Variants in TIAM2 observed in about 807,000 individuals in gnomAD.
TIAM2 encodes TIAM Rac1 associated GEF 2, also known as rho guanine nucleotide exchange factor TIAM2.
A neutral mutation model predicts 152.9 loss-of-function variants in TIAM2; 80 were observed. The ratio of observed to expected loss-of-function variants is 0.52; its 90% CI spans 0.44 to 0.63. The LOEUF is 0.63. TIAM2 is among the 30% of genes least tolerant of loss of function. TIAM2 has a pLI of 0.00. For synonymous variants in TIAM2, 804 were observed against 838.0 expected (o/e 0.96, Z 0.70); for missense variants, 1,965 against 2,120.1 (o/e 0.93, Z 1.44).
chr6:155,093,540 C>T (rs1328815550), intron 2 of TIAM2, among the ~76,000 whole-genome samples: 1 of 152,190 alleles, frequency 6.6e-6, no homozygotes, highest in Non-Finnish European at 1.5e-5. Context: ...CTGATCTGCC[C>T]CTGCAGGAAG....
rs141057902 is a variant in TIAM2 at position 155,208,578 on chromosome 6, G to A, written c.3065-2626G>A. Among the ~76,000 whole-genome samples the A allele has an allele frequency of 3.0e-4, 46 of 152,248 alleles. No homozygotes were observed. In the East Asian group the frequency reaches 7.5e-3, roughly 25 times the overall value. ...CATGTGTCTCAGACTCAGCATTGCAGAAGCTAAGCTTGTTATCCCCACTTC... is the reference window on the plus strand; with the variant it reads ...CATGTGTCTCAGACTCAGCATTGCAAAAGCTAAGCTTGTTATCCCCACTTC... On this transcript the variant is annotated intron_variant, in intron 14 of 26. Transcript: ENST00000682666.
chr6:155,170,446 T>C (rs1780557516), intron 9 of TIAM2, among the ~76,000 whole-genome samples: 1 of 152,092 alleles, frequency 6.6e-6, no homozygotes, highest in South Asian at 2.1e-4. Context: ...TGAAACCCTG[T>C]CTCTATCAAA....
intron 5 of TIAM2, among the ~76,000 whole-genome samples, chr6:155,143,297 G>A (rs1426857067): frequency 1.3e-5 from 2 of 152,110 alleles, no homozygotes; most frequent in Non-Finnish European, 2.9e-5. Flanking sequence ...TAATTATAAT[G>A]CAATTTCTAA....
chr6:155,029,556 A>ATT (rs1562295333), intron 1 of TIAM2, among the ~76,000 whole-genome samples: 50 of 73,296 alleles, frequency 6.8e-4, no homozygotes, highest in Middle Eastern at 0.012. Flanking sequence ...ATGTAGTATA[A>ATT]ATATATACTA....
At chr6:155,029,835 C>T (rs1226168945) in intron 1 of TIAM2, among the ~76,000 whole-genome samples, 1 of 150,310 alleles carries the variant, frequency 6.7e-6, no homozygotes, top group Non-Finnish European at 1.5e-5. Context: ...AGTCTGTTGC[C>T]CAGGCAGAGT....
At chr6:155,208,670 C>A (rs963315655) in intron 14 of TIAM2, among the ~76,000 whole-genome samples, 1 of 152,186 alleles carries the variant, frequency 6.6e-6, no homozygotes, top group African/African-American at 2.4e-5. Context: ...TCCCTCGATG[C>A]CTCTCTTTTC....
In TIAM2 at chr6:155,218,536, C is replaced by T. The variant is rs553601209; in HGVS notation, c.3168+7229C>T. Among the ~76,000 whole-genome samples the T allele has an allele frequency of 1.7e-3, 260 of 152,316 alleles. No homozygotes were observed. The highest frequency in any genetic ancestry group is 6.1e-3 in the African/African-American group (253 of 41,556). On this transcript the variant is annotated intron_variant, in intron 15 of 26. Transcript: ENST00000682666. This position sits in a 1 kb window ranked among gnomAD's most constrained non-coding sequence, Gnocchi z 4.5. Reference sequence around the variant, plus strand: ...TGTCCTCCTCTATGAATAAACATAACACCACCACCAACCCAGTGTTGTCAA... The same window carrying T: ...TGTCCTCCTCTATGAATAAACATAATACCACCACCAACCCAGTGTTGTCAA...
intron 1 of TIAM2, among the ~76,000 whole-genome samples, chr6:155,042,554 G>A (rs1777073006): frequency 1.3e-5 from 2 of 152,254 alleles, no homozygotes; most frequent in Middle Eastern, 3.4e-3. Flanking sequence ...CTGGGATCGC[G>A]CCGCTGCAGT....
intron 15 of TIAM2, among the ~76,000 whole-genome samples, chr6:155,219,875 A>G (rs1781983287): frequency 6.6e-6 from 1 of 151,736 alleles, no homozygotes; most frequent in Non-Finnish European, 1.5e-5. Context: ...CAGGAAAAAC[A>G]GGAAAAAAAA....
At chr6:155,175,298 T>G (rs2115126256) in intron 9 of TIAM2, among the ~76,000 whole-genome samples, 1 of 152,366 alleles carries the variant, frequency 6.6e-6, no homozygotes, top group Non-Finnish European at 1.5e-5. Context: ...TCCCTTGCTT[T>G]CTTCTTTTAA....
rs1782998024 is a variant in TIAM2 at position 155,240,844 on chromosome 6, G to C, written c.3348+135G>C. ...GGGGGGACACCTGCTCCTTGAATCA[G>C]TGAATTGCTCAAGGAAGGGAGGGGA... is the stretch of plus-strand genomic sequence containing the variant. On this transcript the variant is annotated intron_variant, in intron 16 of 26. Transcript: ENST00000682666. The C allele has an allele frequency of 6.8e-6, 6 of 886,344 alleles. 1 individual carries two copies. The Middle Eastern group carries it at 9.7e-4, about 144-fold the overall frequency. The allele number at this position is 886,344 out of a possible 1,614,324, so 54.9% of individuals were successfully genotyped here.
At chr6:155,110,261 C>T (rs146410766) in intron 2 of TIAM2, among the ~76,000 whole-genome samples, 89 of 151,644 alleles carry the variant, frequency 5.9e-4, no homozygotes, top group African/African-American at 2.1e-3. Context: ...CCGACATGCA[C>T]ATACATTTCC....
chr6:155,143,124 C>G (rs1230842956), intron 5 of TIAM2, among the ~76,000 whole-genome samples: 1 of 152,174 alleles, frequency 6.6e-6, no homozygotes, highest in Non-Finnish European at 1.5e-5. Flanking sequence ...GCGAAGCACC[C>G]AGATGGTGGT....
At position 155,257,601 on chromosome 6, in the gene TIAM2, GTT is replaced by G; in HGVS notation, c.*482_*483del. 2.0e-6 allele frequency: 1 copy of G among 510,654 alleles called. No individual in the cohort carries two copies. Among genetic ancestry groups the G allele is most frequent in the Non-Finnish European group, 3.4e-6 (1 of 292,408 alleles). The allele number at this position is 510,654 out of a possible 1,614,324, so 31.6% of individuals were successfully genotyped here. ...TGTAAGATAGATTGTAATAGATGCT[GTT>G]TATACTAAACATGTCATAACTATCT... On this transcript the variant is annotated 3_prime_UTR_variant, in exon 27 of 27. Transcript: ENST00000682666.
At chr6:155,230,364 C>T (rs1385277508) in intron 15 of TIAM2, among the ~76,000 whole-genome samples, 1 of 152,226 alleles carries the variant, frequency 6.6e-6, no homozygotes. Context: ...TTCCCCCAGC[C>T]CCAAGCTGTG....
At position 155,179,367 on chromosome 6, in the gene TIAM2, A is replaced by T. The variant is rs1239601849; in HGVS notation, c.2629-11A>T. ...GAGATCCTCTGATTTTGTTGTTTTCACCTTTTGCAGGTTTATGATGAAATA... is the reference window on the plus strand; with the variant it reads ...GAGATCCTCTGATTTTGTTGTTTTCTCCTTTTGCAGGTTTATGATGAAATA... On this transcript the variant is annotated splice_polypyrimidine_tract_variant and intron_variant, in intron 11 of 26. Transcript: ENST00000682666. 3 of 1,613,216 alleles carry T rather than the reference A, an allele frequency of 1.9e-6. No individual in the cohort carries two copies. Among genetic ancestry groups the T allele is most frequent in the Non-Finnish European group, 2.5e-6 (3 of 1,179,726 alleles).
chr6:155,027,045 CT>C (rs1421892585), intron 1 of TIAM2, among the ~76,000 whole-genome samples: 1 of 151,198 alleles, frequency 6.6e-6, no homozygotes. Flanking sequence ...TATTTTTTAC[CT>C]TTTTTTTGAG....
At chr6:155,057,432 C>G (rs764447910) in intron 1 of TIAM2, among the ~76,000 whole-genome samples, 2 of 151,024 alleles carry the variant, frequency 1.3e-5, no homozygotes, top group African/African-American at 2.4e-5. Context: ...CAGGTGCATA[C>G]TATTAACATG....
chr6:155,188,798 G>A (rs1036740437), intron 14 of TIAM2, among the ~76,000 whole-genome samples: 10 of 152,112 alleles, frequency 6.6e-5, no homozygotes, highest in African/African-American at 1.2e-4. Context: ...TGAACTTGTC[G>A]CATTAATGAA....
Sources: gnomAD v4.1 joint callset for allele counts (sites outside exome capture counted in the v4.1 genomes callset) on GRCh38, gnomAD v4.1.1 for gene constraint, Gnocchi (gnomAD v3.1) non-coding constraint, MANE v1.5 for transcripts, NCBI Gene and HGNC (gene_info 2026-07-23, HGNC 2026-07-21) for gene names.